GSE1: variants seen among roughly 807,000 people sequenced by gnomAD.
The protein encoded by GSE1 is Gse1 coiled-coil protein.
A neutral mutation model predicts 112.6 loss-of-function variants in GSE1; 32 were observed. The ratio of observed to expected loss-of-function variants is 0.28; its 90% CI spans 0.21 to 0.38. The LOEUF (loss-of-function observed/expected upper bound fraction) is 0.38, where lower values mean the gene tolerates loss of function less well. GSE1 is among the 10% of genes least tolerant of loss of function. The probability of loss-of-function intolerance (pLI) is 1.00; values close to 1 mark genes in which losing one functional copy is unlikely to be tolerated. For missense variants in GSE1, 2,348 were observed against 1,699.2 expected, an observed-to-expected ratio of 1.38 and a Z score of -6.71; for synonymous variants, 1,115 against 735.6, an observed-to-expected ratio of 1.52 and a Z score of -8.35.
chr16:85,613,098 G>A (rs1166334664), upstream of GSE1: 1 of 875,328 alleles, frequency 1.1e-6, no homozygotes. Context: ...GCGCCCGTCG[G>A]TGCGCGCGCG....
At chr16:85,662,637 A>C (rs1023618816) in intron 9 of GSE1, 3 of 261,442 alleles carry the variant, frequency 1.1e-5, no homozygotes, top group Non-Finnish European at 2.2e-5. Context: ...AGCATGGGGG[A>C]GTGCATGTGC....
chr16:85,563,178 TCC>T, intron 1 of GSE1, among the ~76,000 whole-genome samples: 1 of 146,468 alleles, frequency 6.8e-6, no homozygotes, highest in African/African-American at 2.7e-5. Flanking sequence ...CTCCTCCTCC[TCC>T]TCCTCTTCCT....
rs1478630951 is a variant in GSE1 at position 85,672,888 on chromosome 16, T to A, written c.*349T>A. On this transcript the variant is annotated 3_prime_UTR_variant, in exon 16 of 16. Transcript: ENST00000253458. ...ATTAACAGCCCCCTGTGCATATGAG[T>A]GGATCAAACCGGTTCTGTTCTTTCT... 5.9e-6 allele frequency: 1 copy of A among 168,354 alleles called. No homozygotes were observed. The highest frequency in any genetic ancestry group is 1.3e-5 in the Non-Finnish European group (1 of 77,902). 10.4% of individuals were successfully genotyped at this position (168,354 alleles called of 1,614,324 possible). A position where few individuals can be genotyped will look rare whatever the true frequency, so the allele number is the denominator to read the frequency against.
intron 2 of GSE1, among the ~76,000 whole-genome samples, chr16:85,536,483 G>A (rs1480667603): frequency 3.3e-5 from 5 of 152,230 alleles, no homozygotes; most frequent in Admixed American, 2.6e-4. Flanking sequence ...GTCCTTGCCT[G>A]TGTGGGCCGC....
intron 1 of GSE1, among the ~76,000 whole-genome samples, chr16:85,210,139 T>C (rs1025923344): frequency 1.6e-4 from 25 of 152,188 alleles, no homozygotes; most frequent in African/African-American, 6.0e-4. Flanking sequence ...GTATTCGTCT[T>C]TACTGAAACC....
intron 2 of GSE1, among the ~76,000 whole-genome samples, chr16:85,486,196 C>G (rs2050831645): frequency 6.6e-6 from 1 of 152,208 alleles, no homozygotes; most frequent in South Asian, 2.1e-4. Context: ...GCCTCTCTCC[C>G]TCTCCCCTTC....
At position 85,663,425 on chromosome 16, in the gene GSE1, C is replaced by T. The variant is rs1236095587; in HGVS notation, c.2455C>T (p.Arg819Trp). 15 of 1,613,750 alleles carry T rather than the reference C, an allele frequency of 9.3e-6. No homozygotes were observed. Among genetic ancestry groups the T allele is most frequent in the Admixed American group, 5.0e-5 (3 of 60,000 alleles). Residue 819 changes from arginine (R) to tryptophan (W), a missense_variant, in exon 11 of 16, where the codon CGG becomes TGG. Coordinates refer to ENST00000253458, the MANE Select transcript of GSE1 (RefSeq NM_014615.5). ...GGTGGCCCAGAAGCGGAGGAAGCGG[C>T]GGAGGATGCTGCGAGAGAGAAGCCC... ...ELVAQKRRKRRRMLRERSPSP... is the reference protein window; with the variant it reads ...ELVAQKRRKRWRMLRERSPSP...
At chr16:85,409,825 C>T (rs79515843) in intron 2 of GSE1, among the ~76,000 whole-genome samples, 223 of 2,600 alleles carry the variant, frequency 0.086, 1 homozygote, top group Non-Finnish European at 0.21. Context: ...TAATCCTCAC[C>T]GTTACACTCA....
intron 1 of GSE1, among the ~76,000 whole-genome samples, chr16:85,331,461 G>GTGTGTATATATGTATATATGTGTATA (rs2046353275): frequency 1.4e-5 from 2 of 137,938 alleles, no homozygotes; most frequent in Non-Finnish European, 3.1e-5. Context: ...GTATATATAT[G>GTGTGTATATATGTATATATGTGTATA]TGTGTATATA....
chr16:85,260,880 C>G (rs1286497727), intron 1 of GSE1, among the ~76,000 whole-genome samples: 1 of 152,266 alleles, frequency 6.6e-6, no homozygotes, highest in Non-Finnish European at 1.5e-5. Flanking sequence ...CATGGGTGGC[C>G]TCTGTGCCAG....
At chr16:85,286,608 C>A (rs1357331605) in intron 1 of GSE1, among the ~76,000 whole-genome samples, 1 of 152,244 alleles carries the variant, frequency 6.6e-6, no homozygotes, top group South Asian at 2.1e-4. Flanking sequence ...CTGCAACAGT[C>A]ATCGTGGGCA....
At chr16:85,345,201 TG>T (rs1401447864) in intron 1 of GSE1, among the ~76,000 whole-genome samples, 2 of 152,094 alleles carry the variant, frequency 1.3e-5, no homozygotes, top group African/African-American at 2.4e-5. Flanking sequence ...CGTTTTTAAA[TG>T]GTTGCCAAAA....
intron 2 of GSE1, among the ~76,000 whole-genome samples, chr16:85,359,664 A>G (rs2047023412): frequency 6.6e-6 from 1 of 152,206 alleles, no homozygotes; most frequent in African/African-American, 2.4e-5. Flanking sequence ...CTCCTCCATC[A>G]GTGAAACAGT....
chr16:85,214,189 C>T (rs763994743), intron 1 of GSE1, among the ~76,000 whole-genome samples: 17 of 152,294 alleles, frequency 1.1e-4, no homozygotes, highest in South Asian at 6.2e-4. Flanking sequence ...CGCTCACCCA[C>T]GAGAGCAGCT....
At chr16:85,658,631 C>T (rs1381601293) in intron 8 of GSE1, among the ~76,000 whole-genome samples, 1 of 152,218 alleles carries the variant, frequency 6.6e-6, no homozygotes, top group African/African-American at 2.4e-5. Context: ...GCTAAGTCTC[C>T]CTGTGGCTCA....
intron 2 of GSE1, among the ~76,000 whole-genome samples, chr16:85,440,122 G>T (rs1338071255): frequency 1.3e-5 from 2 of 152,242 alleles, no homozygotes; most frequent in Non-Finnish European, 2.9e-5. Context: ...CAAGCATGGG[G>T]CTGGGTGTGG....
chr16:85,320,244 A>C (rs1238397931), intron 1 of GSE1, among the ~76,000 whole-genome samples: 3 of 152,108 alleles, frequency 2.0e-5, no homozygotes, highest in Non-Finnish European at 4.4e-5. Flanking sequence ...CCCTCCGTGG[A>C]GGGAGTGGGC....
At chr16:85,206,816 C>A (rs541185333) in intron 1 of GSE1, among the ~76,000 whole-genome samples, 1 of 151,942 alleles carries the variant, frequency 6.6e-6, no homozygotes, top group African/African-American at 2.4e-5. Context: ...GCTGGCCCCC[C>A]GCCAGCCCAG....
chr16:85,625,871 G>T (rs908031725), intron 1 of GSE1, among the ~76,000 whole-genome samples: 4 of 152,166 alleles, frequency 2.6e-5, no homozygotes, highest in African/African-American at 9.7e-5. Context: ...GGCTCAGTGA[G>T]CGTGGCAGAG....
Sources: gnomAD v4.1 joint callset for allele counts (sites outside exome capture counted in the v4.1 genomes callset) on GRCh38, gnomAD v4.1.1 for gene constraint, MANE v1.5 for transcripts, NCBI Gene and HGNC (gene_info 2026-07-23, HGNC 2026-07-21) for gene names.